The following TSN variants were observed in gnomAD, a reference collection of about 807,000 sequenced individuals.
The protein encoded by TSN is component 3 of promoter of RISC.
Under a neutral mutation model 29.4 loss-of-function variants are expected in TSN, and 5 were observed. The observed-to-expected ratio is 0.17, with a 90% CI of 0.09 to 0.36. TSN has a LOEUF of 0.36. Ranked by LOEUF, TSN falls within the 10% of genes least tolerant of loss-of-function variation. The pLI, the probability that TSN is intolerant of heterozygous loss-of-function variation, is 1.00. For missense variants in TSN, 159 were observed against 272.8 expected (o/e 0.58, Z 2.94); for synonymous variants, 106 against 102.2 (o/e 1.04, Z -0.23).
In TSN at chr2:121,756,622, A is replaced by G. The variant is rs574419333; in HGVS notation, c.67-618A>G. ...AGTGAATATTTTAAAAATGAATTAG[A>G]GGCGGGGAGCGGCGCCTCATGCCTG... On this transcript the variant is annotated intron_variant, in intron 1 of 5. Transcript: ENST00000389682. 27 of 1,298,388 alleles carry G rather than the reference A, an allele frequency of 2.1e-5. No homozygotes were observed. The Admixed American group carries it at 4.9e-4, about 24-fold the overall frequency. The allele number at this position is 1,298,388 out of a possible 1,614,324, so 80.4% of individuals were successfully genotyped here. A position where few individuals can be genotyped will look rare whatever the true frequency, so the allele number is the denominator to read the frequency against.
chr2:121,758,367 T>G (rs1189111099), intron 2 of TSN, among the ~76,000 whole-genome samples: 1 of 152,186 alleles, frequency 6.6e-6, no homozygotes, highest in African/African-American at 2.4e-5. Flanking sequence ...CTGCCAAATA[T>G]GGGAGGAAGA....
intron 1 of TSN, chr2:121,756,270 A>G (rs1288694011): frequency 8.4e-6 from 2 of 237,996 alleles, no homozygotes; most frequent in South Asian, 4.4e-5. Context: ...TTTCTCTTCA[A>G]TCTCGTTTAT....
intron 1 of TSN, chr2:121,756,102 T>A (rs775992709): frequency 4.4e-6 from 3 of 685,330 alleles, no homozygotes; most frequent in Non-Finnish European, 6.9e-6. Flanking sequence ...TCAGCACTTG[T>A]TTATATCGAA....
At chr2:121,758,594 C>T (rs72958460) in intron 2 of TSN, 116 bp from the exon 3 acceptor site, 39 of 644,188 alleles carry the variant, frequency 6.1e-5, no homozygotes, top group African/African-American at 4.0e-4. Flanking sequence ...CAGATGTGTA[C>T]GTTAGTTGTG....
intron 1 of TSN, among the ~76,000 whole-genome samples, chr2:121,756,956 T>C (rs1253160055): frequency 6.6e-6 from 1 of 151,890 alleles, no homozygotes; most frequent in African/African-American, 2.4e-5. Flanking sequence ...CCGACTCTTG[T>C]GTTGCATTTA....
chr2:121,756,628 G>A, intron 1 of TSN: 1 of 1,297,220 alleles, frequency 7.7e-7, no homozygotes, highest in Non-Finnish European at 1.0e-6. Flanking sequence ...TTAGAGGCGG[G>A]GAGCGGCGCC....
chr2:121,755,776 C>T lies in TSN; in HGVS notation c.-4C>T. 1 of 1,613,686 alleles carries T rather than the reference C, an allele frequency of 6.2e-7. No individual in the cohort carries two copies. The highest frequency in any genetic ancestry group is 8.5e-7 in the Non-Finnish European group (1 of 1,180,012). Reference sequence around the variant, plus strand: ...CACTGGCTGATTGTTGTGCAGCCGGCGCCATGTCTGTGAGCGAGATCTTCG... The same window carrying T: ...CACTGGCTGATTGTTGTGCAGCCGGTGCCATGTCTGTGAGCGAGATCTTCG... On this transcript the variant is annotated 5_prime_UTR_variant, in exon 1 of 6. Coordinates refer to ENST00000389682, the MANE Select transcript of TSN (RefSeq NM_004622.3).
chr2:121,764,647 A>G (rs2074878620), intron 5 of TSN, among the ~76,000 whole-genome samples: 2 of 151,150 alleles, frequency 1.3e-5, no homozygotes, highest in Admixed American at 1.3e-4. Flanking sequence ...AATCAATGTT[A>G]GTTCTCCTTC....
rs1285307898 is a variant in TSN at position 121,755,755 on chromosome 2, G to T, written c.-25G>T. 9 of 1,612,794 alleles carry T rather than the reference G, an allele frequency of 5.6e-6. No individual in the cohort carries two copies. Among genetic ancestry groups the T allele is most frequent in the Non-Finnish European group, 7.6e-6 (9 of 1,180,016 alleles). Reference sequence around the variant, plus strand: ...CTTCCTTGGCCGCCCTTGCTACACTGGCTGATTGTTGTGCAGCCGGCGCCA... The same window carrying T: ...CTTCCTTGGCCGCCCTTGCTACACTTGCTGATTGTTGTGCAGCCGGCGCCA... On this transcript the variant is annotated 5_prime_UTR_variant, in exon 1 of 6. Transcript: ENST00000389682.
chr2:121,758,059 G>C (rs981722591), intron 2 of TSN, among the ~76,000 whole-genome samples: 1 of 152,046 alleles, frequency 6.6e-6, no homozygotes, highest in African/African-American at 2.4e-5. Context: ...ATATGCACCT[G>C]TGTGTATTTG....
At chr2:121,760,214 A>G (rs1198787875) in intron 3 of TSN, among the ~76,000 whole-genome samples, 1 of 152,176 alleles carries the variant, frequency 6.6e-6, no homozygotes, top group Non-Finnish European at 1.5e-5. Flanking sequence ...TGCGAACCCT[A>G]TTGTGGACTG....
intron 4 of TSN, among the ~76,000 whole-genome samples, chr2:121,762,479 A>G (rs920583947): frequency 6.6e-6 from 1 of 152,332 alleles, no homozygotes; most frequent in Non-Finnish European, 1.5e-5. Flanking sequence ...GGCCGACTCT[A>G]CCTGGAAATG....
At position 121,758,699 on chromosome 2, in the gene TSN, T is replaced by G; in HGVS notation, c.161-11T>G. 1 of 1,554,636 alleles carries G rather than the reference T, an allele frequency of 6.4e-7. No individual in the cohort carries two copies. Among genetic ancestry groups the G allele is most frequent in the Non-Finnish European group, 8.7e-7 (1 of 1,153,804 alleles). On this transcript the variant is annotated splice_polypyrimidine_tract_variant and intron_variant, in intron 2 of 5. Coordinates refer to ENST00000389682, the MANE Select transcript of TSN (RefSeq NM_004622.3). The stretch of plus-strand genomic sequence containing the variant: ...GGTTAAGTTTTTCATTTGGTTATCT[T>G]TTGTGACTAGTTCCAAAGAGGTGTT...
intron 3 of TSN, among the ~76,000 whole-genome samples, chr2:121,759,148 G>A (rs2074787570): frequency 6.6e-6 from 1 of 152,224 alleles, no homozygotes; most frequent in Admixed American, 6.5e-5. Context: ...TTAGGTGGCA[G>A]TATATATATG....
rs1256177867 is a variant in TSN, at chr2:121,765,576, C to CA, written c.*210dup. On this transcript the variant is annotated 3_prime_UTR_variant, in exon 6 of 6. Coordinates refer to ENST00000389682, the MANE Select transcript of TSN (RefSeq NM_004622.3). ...ATGGACAGAATTTTTTTTGTTGTTT[C>CA]AGTGAATATGCCTGTAATTCAGTGT... 4.3e-5 allele frequency: 25 copies of CA among 582,890 alleles called. No individual in the cohort carries two copies. In the Admixed American group the frequency reaches 6.2e-4, roughly 14 times the overall value. 36.1% of individuals were successfully genotyped at this position (582,890 alleles called of 1,614,324 possible). A position where few individuals can be genotyped will look rare whatever the true frequency, so the allele number is the denominator to read the frequency against.
At chr2:121,758,663 A>G (rs1478286248) in intron 2 of TSN, 47 bp from the exon 3 acceptor site, 37 of 1,412,700 alleles carry the variant, frequency 2.6e-5, no homozygotes, top group Non-Finnish European at 3.3e-5. Flanking sequence ...CAAGAACTGT[A>G]TTTGAAATTT....
intron 2 of TSN, among the ~76,000 whole-genome samples, chr2:121,757,979 C>T (rs1436808778): frequency 6.6e-6 from 1 of 151,978 alleles, no homozygotes; most frequent in South Asian, 2.1e-4. Flanking sequence ...GGGTTTGTAA[C>T]TCTTTTGTGT....
At chr2:121,761,616 A>G (rs1414959878) in intron 4 of TSN, 92 bp downstream of exon 4, 1 of 984,414 alleles carries the variant, frequency 1.0e-6, no homozygotes, top group East Asian at 2.4e-5. Flanking sequence ...ATTAAAACAA[A>G]CAAGAATTAA....
At chr2:121,763,692 T>A (rs72830838) in intron 5 of TSN, among the ~76,000 whole-genome samples, 17,943 of 152,214 alleles carry the variant, frequency 0.12, 1,341 homozygotes, top group Middle Eastern at 0.29. Context: ...TCCATGTAAT[T>A]GTTTTGGACA....
Sources: gnomAD v4.1 joint callset for allele counts (sites outside exome capture counted in the v4.1 genomes callset) on GRCh38, gnomAD v4.1.1 for gene constraint, MANE v1.5 for transcripts, NCBI Gene and HGNC (gene_info 2026-07-23, HGNC 2026-07-21) for gene names.